NECTIN4: variants seen among roughly 807,000 people sequenced by gnomAD.
The protein encoded by NECTIN4 is nectin cell adhesion molecule 4.
NECTIN4 carries 19 observed loss-of-function variants against 51.7 expected under a neutral mutation model. The observed-to-expected ratio is 0.37, with a 90% confidence interval of 0.26 to 0.54. NECTIN4 has a LOEUF of 0.54. NECTIN4 is among the 20% of genes least tolerant of loss of function. The probability of loss-of-function intolerance (pLI) is 0.86; values close to 1 mark genes in which losing one functional copy is unlikely to be tolerated. For missense variants in NECTIN4, 619 were observed against 662.4 expected (o/e 0.93, Z 0.72); for synonymous variants, 283 against 286.9 (o/e 0.99, Z 0.14).
chr1:161,077,865 A>G (rs1047445878), intron 2 of NECTIN4, 122 bp from the exon 3 acceptor site: 59 of 877,048 alleles, frequency 6.7e-5, no homozygotes, highest in Non-Finnish European at 5.1e-5. Flanking sequence ...CTCTTATTTC[A>G]TGGAGACGCA....
In NECTIN4 at chr1:161,072,590, C is replaced by T; in HGVS notation, c.*71G>A. 1 of 1,293,694 alleles carries T rather than the reference C, an allele frequency of 7.7e-7. No homozygotes were observed. Among genetic ancestry groups the T allele is most frequent in the Non-Finnish European group, 1.1e-6 (1 of 888,122 alleles). 80.1% of individuals were successfully genotyped at this position (1,293,694 alleles called of 1,614,324 possible). A position where few individuals can be genotyped will look rare whatever the true frequency, so the allele number is the denominator to read the frequency against. Reference sequence around the variant, plus strand: ...CAAGAAATGGGGGTGTTTAAGGAGGCCCCCAAGATGAGCTAAAATCTCCCA... The same window carrying T: ...CAAGAAATGGGGGTGTTTAAGGAGGTCCCCAAGATGAGCTAAAATCTCCCA... On this transcript the variant is annotated 3_prime_UTR_variant, in exon 9 of 9. Transcript: ENST00000368012.
At position 161,079,626 on chromosome 1, in the gene NECTIN4, C is replaced by T. The variant is rs1328223403; in HGVS notation, c.403G>A (p.Gly135Ser). The change falls in exon 2 of 9, where the codon GGC (glycine) becomes AGC (serine). Residue 135 changes from glycine (G) to serine (S), a missense_variant. Around this residue, in one of 3 missense-constraint regions of NECTIN4, gnomAD observed 218 missense variants for 186.3 expected, o/e 1.17. Transcript: ENST00000368012. Reference sequence around the variant, plus strand: ...AGCCGCAGCCGCGCCTGGAAGCTGCCGGCGGGGAAGGTGCTGACCCGGCAC... The same window carrying T: ...AGCCGCAGCCGCGCCTGGAAGCTGCTGGCGGGGAAGGTGCTGACCCGGCAC... The part of the protein sequence containing the change: ...YECRVSTFPA[G>S]SFQARLRLRV... 1 of 1,605,062 alleles carries T rather than the reference C, an allele frequency of 6.2e-7. No individual in the cohort carries two copies. The highest frequency in any genetic ancestry group is 2.2e-5 in the East Asian group (1 of 44,862).
intron 1 of NECTIN4, among the ~76,000 whole-genome samples, chr1:161,081,508 G>A (rs962411075): frequency 2.6e-5 from 4 of 152,296 alleles, no homozygotes; most frequent in African/African-American, 9.6e-5. Context: ...TCATTTTTGG[G>A]AAGAAATAAA....
intron 4 of NECTIN4, among the ~76,000 whole-genome samples, chr1:161,075,623 C>T (rs1481844768): frequency 2.0e-5 from 3 of 151,862 alleles, no homozygotes; most frequent in Non-Finnish European, 4.4e-5. Context: ...ATACAAAAAA[C>T]TAGCTGGGCA....
At chr1:161,086,351 CA>C (rs1322813336) in intron 1 of NECTIN4, among the ~76,000 whole-genome samples, 2 of 152,150 alleles carry the variant, frequency 1.3e-5, no homozygotes, top group Non-Finnish European at 2.9e-5. Flanking sequence ...TCCCAGTTCT[CA>C]CCACCTCCCT....
chr1:161,084,954 A>G (rs1312818683), intron 1 of NECTIN4: 1 of 151,898 alleles, frequency 6.6e-6, no homozygotes, highest in Non-Finnish European at 1.5e-5. Context: ...CTCCACCGAG[A>G]GCTGGAGTAT....
chr1:161,084,992 C>G (rs1437721585), intron 1 of NECTIN4: 1 of 151,658 alleles, frequency 6.6e-6, no homozygotes, highest in Non-Finnish European at 1.5e-5. Context: ...GAGAAAGGAC[C>G]TAGGAGGGAC....
intron 1 of NECTIN4, among the ~76,000 whole-genome samples, chr1:161,083,665 A>T (rs566705696): frequency 5.9e-5 from 9 of 152,352 alleles, no homozygotes; most frequent in African/African-American, 1.9e-4. Flanking sequence ...CACAGCAGCA[A>T]GCCTAGCCAC....
Position 161,079,583 on chromosome 1 carries a change from C to G in NECTIN4, c.439+7G>C. 1.2e-6 allele frequency: 2 copies of G among 1,602,620 alleles called. No homozygotes were observed. Among genetic ancestry groups the G allele is most frequent in the Non-Finnish European group, 1.7e-6 (2 of 1,179,352 alleles). On this transcript the variant is annotated splice_region_variant and intron_variant, in intron 2 of 8. Coordinates refer to ENST00000368012, the MANE Select transcript of NECTIN4 (RefSeq NM_030916.3). ...GGCTCAGACCGTACCCAGAGATCCC[C>G]GCTTACCCAGCACTCGGAGCCGCAG... is the stretch of plus-strand genomic sequence containing the variant.
Position 161,079,722 on chromosome 1 carries a change from G to C in NECTIN4, c.307C>G (p.Pro103Ala). Reference protein sequence around the residue: ...AYEGRVEQPPPPRNPLDGSVL... With the variant: ...AYEGRVEQPPAPRNPLDGSVL... ...GAGCCGTCCAGGGGGTTGCGTGGGG[G>C]CGGCGGCTGCTCCACGCGGCCCTCG... The change falls in exon 2 of 9, where the codon CCC becomes GCC. Residue 103 changes from proline (P) to alanine (A), a missense_variant. Coordinates refer to ENST00000368012, the MANE Select transcript of NECTIN4 (RefSeq NM_030916.3). The C allele has an allele frequency of 6.2e-7, 1 of 1,609,066 alleles. No individual in the cohort carries two copies.
At position 161,089,246 on chromosome 1, in the gene NECTIN4, C is replaced by A. The variant is rs1039037826; in HGVS notation, c.51G>T (p.Leu17=). Residue 17 remains leucine, a synonymous_variant, in exon 1 of 9, where the codon CTG becomes CTT. Transcript: ENST00000368012. This position sits in a 1 kb window ranked among gnomAD's most constrained non-coding sequence, Gnocchi z 4.1. ...AEMWGPEAWL[L]LLLLLASFTG... Reference sequence around the variant, plus strand: ...TAAATGATGCCAGCAGTAGCAGCAGCAGCAGCCAGGCCTCAGGCCCCCACA... The same window carrying A: ...TAAATGATGCCAGCAGTAGCAGCAGAAGCAGCCAGGCCTCAGGCCCCCACA... 1 of 1,612,552 alleles carries A rather than the reference C, an allele frequency of 6.2e-7. No homozygotes were observed. Among genetic ancestry groups the A allele is most frequent in the Non-Finnish European group, 8.5e-7 (1 of 1,179,998 alleles).
intron 3 of NECTIN4, among the ~76,000 whole-genome samples, 170 bp from the exon 4 acceptor site, chr1:161,076,645 T>G (rs1653428166): frequency 6.7e-6 from 1 of 149,120 alleles, no homozygotes; most frequent in Non-Finnish European, 1.5e-5. Context: ...TGACAGCTCC[T>G]GGCCACACTG....
chr1:161,077,555 A>T lies in NECTIN4; in HGVS notation c.628T>A (p.Leu210Met). The T allele has an allele frequency of 6.2e-7, 1 of 1,614,084 alleles. No individual in the cohort carries two copies. Among genetic ancestry groups the T allele is most frequent in the Non-Finnish European group, 8.5e-7 (1 of 1,180,046 alleles). Residue 210 changes from leucine (L) to methionine (M), a missense_variant, in exon 3 of 9, where the codon TTG becomes ATG. By Grantham distance (15) the Leu-to-Met change is conservative. Transcript: ENST00000368012. ...RSAAVTSEFHLVPSRSMNGQP... is the reference protein window; with the variant it reads ...RSAAVTSEFHMVPSRSMNGQP... ...CCATTCATGCTGCGGCTAGGCACCA[A>T]GTGGAACTCTGAGGTGACGGCAGCA...
At chr1:161,086,054 G>A (rs1239686147) in intron 1 of NECTIN4, among the ~76,000 whole-genome samples, 1 of 152,022 alleles carries the variant, frequency 6.6e-6, no homozygotes, top group Non-Finnish European at 1.5e-5. Context: ...TTCTGACTTC[G>A]TTCCCCACAT....
In NECTIN4 at chr1:161,089,506, G is replaced by C; in HGVS notation, c.-210C>G. On this transcript the variant is annotated 5_prime_UTR_variant, in exon 1 of 9. Coordinates refer to ENST00000368012, the MANE Select transcript of NECTIN4 (RefSeq NM_030916.3). This position sits in a 1 kb window ranked among gnomAD's most constrained non-coding sequence, Gnocchi z 4.1. ...GCTACCCCCAAGAAGCCGTGATCGG[G>C]AGCTCCGAGCTCCCCCAGAGCTGCT... The C allele has an allele frequency of 1.7e-6, 1 of 594,926 alleles. No homozygotes were observed. Among genetic ancestry groups the C allele is most frequent in the Non-Finnish European group, 3.0e-6 (1 of 332,208 alleles). 36.9% of individuals were successfully genotyped at this position (594,926 alleles called of 1,614,324 possible).
At position 161,089,227 on chromosome 1, in the gene NECTIN4, A is replaced by G; in HGVS notation, c.70T>C (p.Ser24Pro). 1.9e-6 allele frequency: 3 copies of G among 1,613,192 alleles called. No individual in the cohort carries two copies. The highest frequency in any genetic ancestry group is 2.5e-6 in the Non-Finnish European group (3 of 1,180,002). Residue 24 changes from serine (S) to proline (P), a missense_variant, in exon 1 of 9, where the codon TCA becomes CCA. Ser to Pro is a moderately conservative substitution (Grantham distance 74). Coordinates refer to ENST00000368012, the MANE Select transcript of NECTIN4 (RefSeq NM_030916.3). This position sits in a 1 kb window ranked among gnomAD's most constrained non-coding sequence, Gnocchi z 4.1. ...TTCAGGCAAGTCCTACCTGTAAATG[A>G]TGCCAGCAGTAGCAGCAGCAGCAGC... The part of the protein sequence containing the change: ...AWLLLLLLLA[S>P]FTGRCPAGEL...
chr1:161,076,265 A>G, intron 4 of NECTIN4, 90 bp downstream of exon 4: 1 of 1,452,782 alleles, frequency 6.9e-7, no homozygotes, highest in Admixed American at 1.8e-5. Flanking sequence ...GGCTCAGAAT[A>G]TGTTGTCCCA....
At chr1:161,073,109 T>A in intron 8 of NECTIN4, 116 bp downstream of exon 8, 1 of 979,618 alleles carries the variant, frequency 1.0e-6, no homozygotes, top group Non-Finnish European at 1.6e-6. Flanking sequence ...CTGGGCTGCA[T>A]GAGCCAGGGC....
intron 1 of NECTIN4, among the ~76,000 whole-genome samples, chr1:161,088,903 GC>G (rs1166323204): frequency 1.3e-5 from 2 of 151,544 alleles, no homozygotes; most frequent in African/African-American, 4.8e-5. Context: ...CCACCTGCCT[GC>G]CCATCTACAC....
Sources: allele counts gnomAD v4.1 joint callset (sites outside exome capture counted in the v4.1 genomes callset), GRCh38; gene constraint gnomAD v4.1.1; regional missense constraint gnomAD v4.1.1; non-coding constraint Gnocchi (gnomAD v3.1); transcripts MANE v1.5; gene names NCBI Gene and HGNC (gene_info 2026-07-23, HGNC 2026-07-21).